The following EBF1 variants were observed in gnomAD, a reference collection of about 807,000 sequenced individuals.
EBF1 encodes transcription factor COE1.
In EBF1, 10 loss-of-function variants were observed where a neutral mutation model predicts 68.4. That is an observed-to-expected ratio of 0.15 (90% CI 0.09 to 0.25). The LOEUF (loss-of-function observed/expected upper bound fraction) is 0.25, where lower values mean the gene tolerates loss of function less well. Among genes scored for constraint, EBF1 ranks in the 10% least tolerant of loss-of-function variants. The pLI, the probability that EBF1 is intolerant of heterozygous loss-of-function variation, is 1.00. For synonymous variants in EBF1, 298 were observed against 299.8 expected (o/e 0.99, Z 0.06); for missense variants, 509 against 794.4 (o/e 0.64, Z 4.32).
At chr5:158,994,593 A>C (rs748972182) in intron 6 of EBF1, among the ~76,000 whole-genome samples, 14 of 152,238 alleles carry the variant, frequency 9.2e-5, no homozygotes, top group Non-Finnish European at 2.1e-4. Context: ...TCTACGCCTA[A>C]GATTTTGCCT....
At chr5:158,973,433 G>T (rs2127568284) in intron 6 of EBF1, among the ~76,000 whole-genome samples, 1 of 151,438 alleles carries the variant, frequency 6.6e-6, no homozygotes, top group African/African-American at 2.4e-5. Flanking sequence ...TTTCTCAGAG[G>T]TTTCCCTCAC....
At chr5:158,844,573 A>C (rs1791045731) in intron 6 of EBF1, among the ~76,000 whole-genome samples, 2 of 152,240 alleles carry the variant, frequency 1.3e-5, no homozygotes, top group African/African-American at 2.4e-5. Context: ...ATTAGGCATC[A>C]GAAGACATGA....
intron 6 of EBF1, among the ~76,000 whole-genome samples, chr5:158,969,770 GGAAA>G (rs889053011): frequency 2.0e-5 from 3 of 148,632 alleles, no homozygotes; most frequent in Admixed American, 6.8e-5. Flanking sequence ...GTGAGACTCT[GGAAA>G]GAAAGAAAGA....
At chr5:158,753,037 C>T (rs934377840) in intron 10 of EBF1, among the ~76,000 whole-genome samples, 4 of 151,838 alleles carry the variant, frequency 2.6e-5, no homozygotes, top group Non-Finnish European at 2.9e-5. Context: ...CGCTCAACAC[C>T]GCAAAAATAA....
chr5:159,062,016 A>G (rs1180153977), intron 6 of EBF1, among the ~76,000 whole-genome samples: 2 of 152,162 alleles, frequency 1.3e-5, no homozygotes, highest in Non-Finnish European at 2.9e-5. Flanking sequence ...GCCTGCCTAC[A>G]TTATTTCATA....
chr5:158,986,124 G>A (rs988335988), intron 6 of EBF1, among the ~76,000 whole-genome samples: 10 of 152,200 alleles, frequency 6.6e-5, no homozygotes, highest in African/African-American at 1.4e-4. Context: ...AAGCCATTCC[G>A]CTCCCAGCCC....
chr5:159,074,782 G>A (rs951286539), intron 5 of EBF1, among the ~76,000 whole-genome samples: 15 of 152,018 alleles, frequency 9.9e-5, no homozygotes, highest in African/African-American at 2.9e-4. Flanking sequence ...TCAAAGCCTC[G>A]GCTAAAACCA....
At chr5:159,039,887 G>C (rs370976144) in intron 6 of EBF1, among the ~76,000 whole-genome samples, 1 of 152,122 alleles carries the variant, frequency 6.6e-6, no homozygotes, top group Admixed American at 6.5e-5. Context: ...ACACAGCTAG[G>C]TTTAAAATAT....
At chr5:158,892,251 G>C (rs1171172172) in intron 6 of EBF1, among the ~76,000 whole-genome samples, 1 of 152,160 alleles carries the variant, frequency 6.6e-6, no homozygotes, top group East Asian at 1.9e-4. Context: ...CACTTTAGGA[G>C]GCTGAGGCAG....
chr5:159,056,812 C>T (rs1337184949), intron 6 of EBF1, among the ~76,000 whole-genome samples: 2 of 152,024 alleles, frequency 1.3e-5, no homozygotes, highest in Non-Finnish European at 1.5e-5. Context: ...TATGTCAGTA[C>T]CTTCCAGAGA....
chr5:158,825,316 T>C (rs189440881), intron 7 of EBF1, among the ~76,000 whole-genome samples: 1 of 152,332 alleles, frequency 6.6e-6, no homozygotes, highest in East Asian at 1.9e-4. Flanking sequence ...TTCTTAGGAC[T>C]TACAATTACA....
chr5:158,724,818 A>G (rs1762657822), intron 11 of EBF1, among the ~76,000 whole-genome samples: 2 of 152,224 alleles, frequency 1.3e-5, no homozygotes. Context: ...GCTGTTCCAA[A>G]TGAAAGTGCA....
chr5:158,899,708 C>A (rs1012429255), intron 6 of EBF1, among the ~76,000 whole-genome samples: 33 of 152,118 alleles, frequency 2.2e-4, no homozygotes, highest in African/African-American at 7.7e-4. Flanking sequence ...CTGACAACTA[C>A]ACAGCCAAGC....
intron 6 of EBF1, among the ~76,000 whole-genome samples, chr5:158,912,177 T>C (rs776162813): frequency 7.9e-5 from 12 of 152,236 alleles, no homozygotes; most frequent in Non-Finnish European, 1.3e-4. Context: ...GGGCCCTTCC[T>C]CATGGATCCT....
At chr5:158,961,034 T>A (rs1818088382) in intron 6 of EBF1, among the ~76,000 whole-genome samples, 1 of 152,150 alleles carries the variant, frequency 6.6e-6, no homozygotes, top group Non-Finnish European at 1.5e-5. Flanking sequence ...GAATAGGCAA[T>A]TCACCAAAAT....
At chr5:159,094,763 C>A (rs569648705) in intron 4 of EBF1, among the ~76,000 whole-genome samples, 1 of 152,250 alleles carries the variant, frequency 6.6e-6, no homozygotes, top group African/African-American at 2.4e-5. Flanking sequence ...ATAAAGCTGT[C>A]TTCTTTTTTC....
intron 6 of EBF1, among the ~76,000 whole-genome samples, chr5:158,877,166 A>C (rs1797964532): frequency 6.6e-6 from 1 of 152,062 alleles, no homozygotes; most frequent in Admixed American, 6.6e-5. Context: ...TCCAAGCCCA[A>C]CTCTGAGAAG....
At chr5:159,004,748 A>G (rs1031038187) in intron 6 of EBF1, among the ~76,000 whole-genome samples, 1 of 152,172 alleles carries the variant, frequency 6.6e-6, no homozygotes, top group Non-Finnish European at 1.5e-5. Context: ...CAATAGCTTC[A>G]GGTGATAAGA....
intron 6 of EBF1, among the ~76,000 whole-genome samples, chr5:158,886,503 G>A (rs752423934): frequency 3.9e-5 from 6 of 152,148 alleles, no homozygotes; most frequent in Admixed American, 2.6e-4. Context: ...GGTTTTCACC[G>A]CATGGAACTC....
Sources: gnomAD v4.1 joint callset for allele counts (sites outside exome capture counted in the v4.1 genomes callset) on GRCh38, gnomAD v4.1.1 for gene constraint, MANE v1.5 for transcripts, NCBI Gene and HGNC (gene_info 2026-07-23, HGNC 2026-07-21) for gene names.